NT5C3A: variants seen among roughly 807,000 people sequenced by gnomAD.
The protein encoded by NT5C3A is 5'-nucleotidase, cytosolic IIIA, also known as cytosolic 5'-nucleotidase 3A.
A neutral mutation model predicts 40.0 loss-of-function variants in NT5C3A; 23 were observed. That is an observed-to-expected ratio of 0.58 (90% CI 0.41 to 0.81). The LOEUF is 0.81. Among genes scored for constraint, NT5C3A ranks in the 40% least tolerant of loss-of-function variants. The pLI, the probability that NT5C3A is intolerant of heterozygous loss-of-function variation, is 0.00. For synonymous variants in NT5C3A, 130 were observed against 141.4 expected, an observed-to-expected ratio of 0.92 and a Z score of 0.57; for missense variants, 328 against 403.0, an observed-to-expected ratio of 0.81 and a Z score of 1.59.
intron 1 of NT5C3A, among the ~76,000 whole-genome samples, chr7:33,057,056 G>A (rs1055727681): frequency 2.0e-5 from 3 of 152,074 alleles, no homozygotes; most frequent in Non-Finnish European, 4.4e-5. Flanking sequence ...CAGGTGATCC[G>A]CCCGCCTTGG....
intron 1 of NT5C3A, among the ~76,000 whole-genome samples, chr7:33,040,686 T>C (rs1048198333): frequency 2.6e-5 from 4 of 152,006 alleles, no homozygotes; most frequent in Non-Finnish European, 4.4e-5. Context: ...GACCTAAGAC[T>C]CTTCAAAGTT....
At chr7:33,045,973 C>G (rs927731793) in intron 1 of NT5C3A, 1 of 152,202 alleles carries the variant, frequency 6.6e-6, no homozygotes, top group Non-Finnish European at 1.5e-5. Context: ...ATATTGATGC[C>G]GAACTTAGTG....
rs780736989 is a variant in NT5C3A at position 33,017,555 on chromosome 7, G to T, written c.577C>A (p.Pro193Thr). The T allele has an allele frequency of 5.7e-5, 92 of 1,613,684 alleles. No homozygotes were observed. Among genetic ancestry groups the T allele is most frequent in the Non-Finnish European group, 7.3e-5 (86 of 1,179,664 alleles). The change falls in exon 7 of 9, where the codon CCC becomes ACC. Residue 193 changes from proline to threonine, a missense_variant. By Grantham distance (38) the Pro-to-Thr change is conservative. This residue lies in a region of NT5C3A where 280 missense variants were observed against 317.2 expected (regional missense o/e 0.88). Transcript: ENST00000610140. Reference protein sequence around the residue: ...FFDKLQQHSIPVFIFSAGIGD... With the variant: ...FFDKLQQHSITVFIFSAGIGD... Reference sequence around the variant, plus strand: ...ATTCCAGCCGAAAATATGAACACGGGGATGCTATGTTGTTGGAGCTTATCA... The same window carrying T: ...ATTCCAGCCGAAAATATGAACACGGTGATGCTATGTTGTTGGAGCTTATCA...
chr7:33,049,379 TGA>T (rs1196083917), intron 1 of NT5C3A, among the ~76,000 whole-genome samples: 2 of 152,088 alleles, frequency 1.3e-5, no homozygotes, highest in African/African-American at 4.8e-5. Context: ...GTGGCAGAGC[TGA>T]GATTTGAACC....
chr7:33,053,954 C>T (rs145063352), intron 1 of NT5C3A, among the ~76,000 whole-genome samples: 5 of 152,154 alleles, frequency 3.3e-5, no homozygotes, highest in African/African-American at 1.2e-4. Flanking sequence ...TACAGGAAAC[C>T]TGACAAACAT....
chr7:33,047,669 A>C (rs1054586632), intron 1 of NT5C3A, among the ~76,000 whole-genome samples: 9 of 152,174 alleles, frequency 5.9e-5, no homozygotes, highest in Non-Finnish European at 1.2e-4. Flanking sequence ...ATTATACTTA[A>C]TTATATACAT....
intron 1 of NT5C3A, among the ~76,000 whole-genome samples, chr7:33,034,258 T>TA (rs1200325556): frequency 1.3e-5 from 2 of 151,928 alleles, no homozygotes; most frequent in Non-Finnish European, 2.9e-5. Context: ...CAATAATAGT[T>TA]AAAAAAAATC....
At chr7:33,060,351 C>T (rs887605900) in intron 1 of NT5C3A, among the ~76,000 whole-genome samples, 20 of 148,894 alleles carry the variant, frequency 1.3e-4, no homozygotes, top group Non-Finnish European at 2.4e-4. Flanking sequence ...TGATCCCATT[C>T]CGTATCTTGC....
chr7:33,027,611 A>G (rs1786014736), intron 1 of NT5C3A, among the ~76,000 whole-genome samples: 2 of 152,164 alleles, frequency 1.3e-5, no homozygotes, highest in South Asian at 2.1e-4. Context: ...TTTATTTTCT[A>G]TTAGTTTCAT....
chr7:33,060,353 G>C (rs1609543), intron 1 of NT5C3A, among the ~76,000 whole-genome samples: 105,935 of 145,706 alleles, frequency 0.73, 38,653 homozygotes, highest in African/African-American at 0.79. Flanking sequence ...ATCCCATTCC[G>C]TATCTTGCTT....
intron 2 of NT5C3A, among the ~76,000 whole-genome samples, chr7:33,025,458 G>T (rs1303169749): frequency 6.6e-6 from 1 of 151,916 alleles, no homozygotes; most frequent in Admixed American, 6.6e-5. Flanking sequence ...TTTTAAAAAA[G>T]GAATAATTTT....
intron 3 of NT5C3A, among the ~76,000 whole-genome samples, chr7:33,023,302 A>C (rs1785737096): frequency 6.6e-6 from 1 of 152,016 alleles, no homozygotes; most frequent in African/African-American, 2.4e-5. Context: ...TCTGTTGCCC[A>C]GGCTGGAGCG....
intron 1 of NT5C3A, among the ~76,000 whole-genome samples, chr7:33,060,628 TTAGA>T (rs1442599516): frequency 6.6e-6 from 1 of 152,172 alleles, no homozygotes; most frequent in Non-Finnish European, 1.5e-5. Flanking sequence ...TCTTAGCCAG[TTAGA>T]TAGGCCCAAC....
chr7:33,044,413 G>GA lies in NT5C3A; in HGVS notation c.139-17499dup, dbSNP rs200704546. On this transcript the variant is annotated intron_variant, in intron 1 of 8. Coordinates refer to ENST00000610140, the MANE Select transcript of NT5C3A (RefSeq NM_001002010.5). ...AAAAAATTTTTTTTGAGAAGGGATAGAAAGGATATGGAAGTACGAAGTTGT... is the reference window on the plus strand; with the variant it reads ...AAAAAATTTTTTTTGAGAAGGGATAGAAAAGGATATGGAAGTACGAAGTTGT... Among the ~76,000 whole-genome samples, 1,553 of 152,212 alleles carry GA rather than the reference G, an allele frequency of 0.01. 57 individuals are homozygous for GA. In the East Asian group the frequency reaches 0.14, roughly 13 times the overall value.
Position 33,033,895 on chromosome 7 carries a change from A to AT in NT5C3A, c.139-6981dup, listed in dbSNP as rs1554291569. On this transcript the variant is annotated intron_variant, in intron 1 of 8. Transcript: ENST00000610140. ...TAAAAGACATATATATATATATATA[A>AT]TTTTTTTTTTTTTTGAGAGGGAGTC... 0.011 allele frequency among the ~76,000 whole-genome samples: 1,522 copies of AT among 137,158 alleles called. 45 individuals are homozygous for AT. In the East Asian group the frequency reaches 0.11, roughly 10 times the overall value. 90.0% of individuals were successfully genotyped at this position (137,158 alleles called of 152,430 possible).
chr7:33,045,346 C>T (rs551093892), intron 1 of NT5C3A, among the ~76,000 whole-genome samples: 2 of 152,006 alleles, frequency 1.3e-5, no homozygotes, highest in East Asian at 3.9e-4. Context: ...CAAAATAGAA[C>T]TGAAACAAGG....
chr7:33,054,210 C>T (rs746755250), intron 1 of NT5C3A, among the ~76,000 whole-genome samples: 1 of 151,846 alleles, frequency 6.6e-6, no homozygotes, highest in Non-Finnish European at 1.5e-5. Flanking sequence ...AAAAATAAGC[C>T]AGGCATGGTG....
chr7:33,021,215 C>T (rs1785608059), intron 5 of NT5C3A, 57 bp downstream of exon 5: 3 of 1,603,462 alleles, frequency 1.9e-6, no homozygotes, highest in East Asian at 2.2e-5. Context: ...TCAGTTGTAA[C>T]TGCAGTGTTG....
intron 1 of NT5C3A, among the ~76,000 whole-genome samples, chr7:33,041,686 G>A (rs1786920781): frequency 6.6e-6 from 1 of 151,908 alleles, no homozygotes; most frequent in Non-Finnish European, 1.5e-5. Flanking sequence ...AAAAATGGGG[G>A]GAAAAAGTTC....
Sources: allele counts gnomAD v4.1 joint callset (sites outside exome capture counted in the v4.1 genomes callset), GRCh38; gene constraint gnomAD v4.1.1; regional missense constraint gnomAD v4.1.1; transcripts MANE v1.5; gene names NCBI Gene and HGNC (gene_info 2026-07-23, HGNC 2026-07-21).